PRICKLE1: variants seen among roughly 807,000 people sequenced by gnomAD.
PRICKLE1 encodes the protein prickle-like protein 1.
Under a neutral mutation model 70.2 loss-of-function variants are expected in PRICKLE1, and 14 were observed. That is an observed-to-expected ratio of 0.20 (90% CI 0.13 to 0.31). The LOEUF is 0.31. Among genes scored for constraint, PRICKLE1 ranks in the 10% least tolerant of loss-of-function variants. The pLI, the probability that PRICKLE1 is intolerant of heterozygous loss-of-function variation, is 1.00. For synonymous variants in PRICKLE1, 357 were observed against 379.9 expected (o/e 0.94, Z 0.70); for missense variants, 821 against 1,026.2 (o/e 0.80, Z 2.73).
intron 1 of PRICKLE1, among the ~76,000 whole-genome samples, chr12:42,528,445 G>C (rs2120528170): frequency 6.6e-6 from 1 of 152,266 alleles, no homozygotes; most frequent in Middle Eastern, 3.4e-3. Context: ...TGTTTAAGGA[G>C]AGCTCTTAAT....
intron 1 of PRICKLE1, among the ~76,000 whole-genome samples, chr12:42,568,606 T>A (rs2120740732): frequency 6.6e-6 from 1 of 152,342 alleles, no homozygotes; most frequent in East Asian, 1.9e-4. Context: ...TTTCAAAAAG[T>A]TCATCTCAGA....
intron 1 of PRICKLE1, among the ~76,000 whole-genome samples, chr12:42,499,698 G>GTATCCCAAA (rs1939271825): frequency 6.6e-6 from 1 of 151,058 alleles, no homozygotes; most frequent in African/African-American, 2.4e-5. Context: ...TGGGATTACA[G>GTATCCCAAA]GTATGAGCCA....
chr12:42,472,227 C>T (rs1439515677), intron 2 of PRICKLE1, among the ~76,000 whole-genome samples, 158 bp downstream of exon 2: 7 of 152,126 alleles, frequency 4.6e-5, no homozygotes, highest in African/African-American at 7.2e-5. Flanking sequence ...ATATGACCTT[C>T]AAAAGTAAAA....
Position 42,459,938 on chromosome 12 carries a change from C to T in PRICKLE1, c.2367G>A (p.Gln789=), listed in dbSNP as rs549385436. ...GGTCATCTGTATAGTAGGCAAATCT[C>T]TGTGGCCGGGGTTGAGGGATTGGTT... The part of the protein sequence containing the change: ...LGQPIPQPRP[Q]RFAYYTDDLS... The change falls in exon 8 of 8, where the codon CAG becomes CAA. Residue 789 remains glutamine (Q), a synonymous_variant. Coordinates refer to ENST00000345127, the MANE Select transcript of PRICKLE1 (RefSeq NM_153026.3). The T allele has an allele frequency of 6.2e-7, 1 of 1,614,146 alleles. No individual in the cohort carries two copies. Among genetic ancestry groups the T allele is most frequent in the Admixed American group, 1.7e-5 (1 of 60,012 alleles).
intron 1 of PRICKLE1, among the ~76,000 whole-genome samples, chr12:42,573,938 G>C (rs996182561): frequency 6.6e-6 from 1 of 152,150 alleles, no homozygotes; most frequent in Non-Finnish European, 1.5e-5. Context: ...ATTTAGGACT[G>C]AGAAGAAAAA....
intron 1 of PRICKLE1, among the ~76,000 whole-genome samples, chr12:42,523,265 C>G (rs1163274346): frequency 6.6e-6 from 1 of 152,202 alleles, no homozygotes; most frequent in Non-Finnish European, 1.5e-5. Flanking sequence ...CCGCGTCCAG[C>G]CAATTTTTTG....
intron 5 of PRICKLE1, among the ~76,000 whole-genome samples, chr12:42,467,923 A>G (rs1372366085): frequency 1.3e-5 from 2 of 152,244 alleles, no homozygotes; most frequent in Non-Finnish European, 2.9e-5. Context: ...TTGATCTTGG[A>G]TAAGAAAAGG....
In PRICKLE1 at chr12:42,584,377, C is replaced by CT. The variant is rs1940953119; in HGVS notation, c.-49+5087dup. 2.0e-5 allele frequency: 3 copies of CT among 152,292 alleles called. No individual in the cohort carries two copies. The South Asian group carries it at 6.2e-4, about 32-fold the overall frequency. 9.4% of individuals were successfully genotyped at this position (152,292 alleles called of 1,614,324 possible). A position where few individuals can be genotyped will look rare whatever the true frequency, so the allele number is the denominator to read the frequency against. On this transcript the variant is annotated intron_variant, in intron 1 of 7. Transcript: ENST00000345127. Reference sequence around the variant, plus strand: ...TACTTACAATATGCTCTAAGATAACCTTTTCCCCTTTACTTCTTTGGGGTA... The same window carrying CT: ...TACTTACAATATGCTCTAAGATAACCTTTTTCCCCTTTACTTCTTTGGGGTA...
chr12:42,562,686 A>G (rs1459950058), intron 1 of PRICKLE1, among the ~76,000 whole-genome samples: 1 of 152,230 alleles, frequency 6.6e-6, no homozygotes, highest in Non-Finnish European at 1.5e-5. Flanking sequence ...AAGAAAATTT[A>G]AACATCAACT....
At chr12:42,570,923 T>G (rs1267359163) in intron 1 of PRICKLE1, among the ~76,000 whole-genome samples, 4 of 152,192 alleles carry the variant, frequency 2.6e-5, no homozygotes, top group Non-Finnish European at 5.9e-5. Flanking sequence ...GAATAGAATA[T>G]TTAGCCTTAT....
At chr12:42,513,907 G>A (rs1370249745) in intron 1 of PRICKLE1, among the ~76,000 whole-genome samples, 2 of 152,092 alleles carry the variant, frequency 1.3e-5, no homozygotes, top group African/African-American at 2.4e-5. Flanking sequence ...TGAGGCAGGA[G>A]AACTGCTTGA....
intron 4 of PRICKLE1, among the ~76,000 whole-genome samples, 194 bp from the exon 5 acceptor site, chr12:42,469,023 A>G (rs1448477041): frequency 2.0e-5 from 3 of 152,210 alleles, no homozygotes; most frequent in Non-Finnish European, 4.4e-5. Flanking sequence ...CAGACATACT[A>G]CAACTATTTC....
intron 1 of PRICKLE1, among the ~76,000 whole-genome samples, chr12:42,549,968 C>T (rs1940284205): frequency 6.6e-6 from 1 of 152,228 alleles, no homozygotes; most frequent in Non-Finnish European, 1.5e-5. Flanking sequence ...TTCCACTCAT[C>T]CTTCTAGCCC....
rs1663318934 is a variant in PRICKLE1, at chr12:42,579,970, C to G, written c.-49+9495G>C. Among the ~76,000 whole-genome samples, 3 of 151,964 alleles carry G rather than the reference C, an allele frequency of 2.0e-5. 1 individual carries two copies. The highest frequency in any genetic ancestry group is 2.0e-4 in the Admixed American group (3 of 15,258). Reference sequence around the variant, plus strand: ...CACTGCAACCTCCACCTCCTGGGTTCAAGAGATTCTCCTGCTTCAGCCTCC... The same window carrying G: ...CACTGCAACCTCCACCTCCTGGGTTGAAGAGATTCTCCTGCTTCAGCCTCC... On this transcript the variant is annotated intron_variant, in intron 1 of 7. Coordinates refer to ENST00000345127, the MANE Select transcript of PRICKLE1 (RefSeq NM_153026.3).
chr12:42,576,804 G>T (rs148039288), intron 1 of PRICKLE1, among the ~76,000 whole-genome samples: 60 of 152,156 alleles, frequency 3.9e-4, no homozygotes, highest in Non-Finnish European at 5.6e-4. Flanking sequence ...AAGACCTGAG[G>T]TCCTAAGGAT....
chr12:42,517,458 G>A (rs1228864030), intron 1 of PRICKLE1, among the ~76,000 whole-genome samples: 8 of 151,748 alleles, frequency 5.3e-5, no homozygotes, highest in African/African-American at 1.7e-4. Flanking sequence ...GACTACAGGC[G>A]CCCGCCACCA....
At chr12:42,581,122 G>C (rs1240136738) in intron 1 of PRICKLE1, among the ~76,000 whole-genome samples, 1 of 152,192 alleles carries the variant, frequency 6.6e-6, no homozygotes, top group Non-Finnish European at 1.5e-5. Flanking sequence ...CAAGCTAAAA[G>C]TGCAAGACTG....
chr12:42,494,144 A>G (rs1422932964), intron 1 of PRICKLE1, among the ~76,000 whole-genome samples: 1 of 152,218 alleles, frequency 6.6e-6, no homozygotes, highest in Non-Finnish European at 1.5e-5. Context: ...AGCCTTCAGT[A>G]AGCCATCATC....
chr12:42,558,260 C>T (rs1385416112), intron 1 of PRICKLE1, among the ~76,000 whole-genome samples: 2 of 152,088 alleles, frequency 1.3e-5, no homozygotes, highest in Non-Finnish European at 2.9e-5. Flanking sequence ...GTGAAATATT[C>T]GTGCTACCGT....
Sources: allele counts gnomAD v4.1 joint callset (sites outside exome capture counted in the v4.1 genomes callset), GRCh38; gene constraint gnomAD v4.1.1; transcripts MANE v1.5; gene names NCBI Gene and HGNC (gene_info 2026-07-23, HGNC 2026-07-21).